HIBCH: variants seen among roughly 807,000 people sequenced by gnomAD.
The protein encoded by HIBCH is 3-hydroxyisobutyryl-CoA hydrolase.
A neutral mutation model predicts 58.2 loss-of-function variants in HIBCH; 50 were observed. The observed-to-expected ratio is 0.86, with a 90% CI of 0.68 to 1.09. The LOEUF is 1.09. Ranked by LOEUF, HIBCH falls within the 50% of genes least tolerant of loss-of-function variation. The pLI is 0.00. For synonymous variants in HIBCH, 151 were observed against 146.9 expected (o/e 1.03, Z -0.20); for missense variants, 450 against 449.7 (o/e 1.00, Z -0.01).
At chr2:190,200,844 A>T, downstream of HIBCH, 1 of 167,236 alleles carries the variant, frequency 6.0e-6, no homozygotes. Context: ...AAGCCCAGTG[A>T]TATAACTATA....
In HIBCH at chr2:190,210,085, C is replaced by T. The variant is rs1020684349; in HGVS notation, c.1012-1172G>A. Among the ~76,000 whole-genome samples the T allele has an allele frequency of 2.6e-5, 4 of 152,120 alleles. No individual in the cohort carries two copies. The highest frequency in any genetic ancestry group is 7.2e-5 in the African/African-American group (3 of 41,422). On this transcript the variant is annotated intron_variant, in intron 12 of 13. Transcript: ENST00000359678. The surrounding 1 kb of genome is among the most constrained non-coding windows in gnomAD (Gnocchi z 5.5). Reference sequence around the variant, plus strand: ...TCCATCTTACAAAATAAAAAAGGAACTTCATTTGATTCCACAGTCCCAGCT... The same window carrying T: ...TCCATCTTACAAAATAAAAAAGGAATTTCATTTGATTCCACAGTCCCAGCT...
Position 190,236,786 on chromosome 2 carries a change from T to C in HIBCH, c.891+8101A>G, listed in dbSNP as rs1186982050. On this transcript the variant is annotated intron_variant, in intron 11 of 13. Coordinates refer to ENST00000359678, the MANE Select transcript of HIBCH (RefSeq NM_014362.4). The surrounding 1 kb of genome is among the most constrained non-coding windows in gnomAD (Gnocchi z 4.1). ...ATTTCTTAAAGGCATTAACAATTTA[T>C]ATAAAATGAAAAGATACTATCTAAA... Among the ~76,000 whole-genome samples, 1 of 152,188 alleles carries C rather than the reference T, an allele frequency of 6.6e-6. No homozygotes were observed. The highest frequency in any genetic ancestry group is 1.9e-4 in the East Asian group (1 of 5,204).
intron 11 of HIBCH, among the ~76,000 whole-genome samples, chr2:190,229,933 G>A (rs1263557099): frequency 6.6e-6 from 1 of 151,896 alleles, no homozygotes; most frequent in Non-Finnish European, 1.5e-5. Flanking sequence ...TTGACAGGTA[G>A]CAAAAGTCCA....
intron 7 of HIBCH, among the ~76,000 whole-genome samples, chr2:190,260,146 G>T (rs1687049273): frequency 6.6e-6 from 1 of 152,180 alleles, no homozygotes; most frequent in Non-Finnish European, 1.5e-5. Flanking sequence ...ACTTGTGAAT[G>T]ACATAATTGT....
chr2:190,269,783 T>C (rs1334932257), intron 6 of HIBCH, among the ~76,000 whole-genome samples: 2 of 152,212 alleles, frequency 1.3e-5, no homozygotes, highest in Non-Finnish European at 2.9e-5. Flanking sequence ...ATATGTTTAC[T>C]GCAGCACTGT....
chr2:190,222,568 G>A (rs1685752884), intron 11 of HIBCH, among the ~76,000 whole-genome samples: 1 of 152,186 alleles, frequency 6.6e-6, no homozygotes, highest in Non-Finnish European at 1.5e-5. Flanking sequence ...AAACCATAAT[G>A]AGATACCATT....
At chr2:190,245,943 T>C (rs1029390025) in intron 10 of HIBCH, among the ~76,000 whole-genome samples, 5 of 150,086 alleles carry the variant, frequency 3.3e-5, no homozygotes, top group East Asian at 3.9e-4. Context: ...TGAGCTGAGA[T>C]TGCACCACTG....
intron 6 of HIBCH, among the ~76,000 whole-genome samples, chr2:190,265,701 T>C (rs1263617006): frequency 2.0e-5 from 3 of 152,222 alleles, no homozygotes; most frequent in Non-Finnish European, 4.4e-5. Flanking sequence ...TGAAATTTTC[T>C]TCATAAAAAG....
At chr2:190,220,969 C>A (rs1277705838) in intron 11 of HIBCH, among the ~76,000 whole-genome samples, 2 of 152,138 alleles carry the variant, frequency 1.3e-5, no homozygotes, top group Non-Finnish European at 2.9e-5. Flanking sequence ...TGGTTTGGCA[C>A]TTTCTATGTA....
chr2:190,242,014 T>C (rs1274209835), intron 11 of HIBCH, among the ~76,000 whole-genome samples: 2 of 152,184 alleles, frequency 1.3e-5, no homozygotes, highest in African/African-American at 4.8e-5. Context: ...TGGCCAGTCT[T>C]GCTAGGTTGG....
chr2:190,243,431 A>G lies in HIBCH; in HGVS notation c.891+1456T>C, dbSNP rs1026345579. On this transcript the variant is annotated intron_variant, in intron 11 of 13. Coordinates refer to ENST00000359678, the MANE Select transcript of HIBCH (RefSeq NM_014362.4). This position sits in a 1 kb window ranked among gnomAD's most constrained non-coding sequence, Gnocchi z 4.1. Reference sequence around the variant, plus strand: ...ACTCCCCTTTATATACATATCTCCTATTAGTTCTTTCCCTCTAGAGAACCC... The same window carrying G: ...ACTCCCCTTTATATACATATCTCCTGTTAGTTCTTTCCCTCTAGAGAACCC... Among the ~76,000 whole-genome samples, 47 of 152,284 alleles carry G rather than the reference A, an allele frequency of 3.1e-4. No homozygotes were observed. Among genetic ancestry groups the G allele is most frequent in the Non-Finnish European group, 2.5e-4 (17 of 68,022 alleles).
intron 11 of HIBCH, among the ~76,000 whole-genome samples, chr2:190,223,119 T>C (rs894708985): frequency 5.3e-5 from 8 of 152,070 alleles, no homozygotes; most frequent in Non-Finnish European, 1.2e-4. Flanking sequence ...TGAGACCTGT[T>C]GGGAGTTGGG....
At chr2:190,301,818 C>A (rs992157399) in intron 2 of HIBCH, among the ~76,000 whole-genome samples, 1 of 152,180 alleles carries the variant, frequency 6.6e-6, no homozygotes, top group Non-Finnish European at 1.5e-5. Flanking sequence ...ACACATGGCA[C>A]AAGGAAGGAA....
intron 1 of HIBCH, among the ~76,000 whole-genome samples, chr2:190,193,284 G>C (rs990901314): frequency 3.3e-5 from 5 of 151,672 alleles, no homozygotes; most frequent in South Asian, 2.1e-4. Flanking sequence ...TTGAATTTCT[G>C]GTATAAATCC....
chr2:190,229,102 T>C (rs1485407397), intron 11 of HIBCH, among the ~76,000 whole-genome samples: 2 of 152,114 alleles, frequency 1.3e-5, no homozygotes, highest in East Asian at 1.9e-4. Flanking sequence ...CTGTATGGGG[T>C]ATGCAAAGGT....
Position 190,204,757 on chromosome 2 carries a change from C to T in HIBCH, c.*360G>A, listed in dbSNP as rs1690347002. 1 of 250,450 alleles carries T rather than the reference C, an allele frequency of 4.0e-6. No individual in the cohort carries two copies. Among genetic ancestry groups the T allele is most frequent in the South Asian group, 5.1e-5 (1 of 19,748 alleles). 15.5% of individuals were successfully genotyped at this position (250,450 alleles called of 1,614,324 possible). ...ACCACTCAAGAGAATCTCCAAAGAT[C>T]TTCACATTTTTCCATCTTCTAAAAC... is the stretch of plus-strand genomic sequence containing the variant. On this transcript the variant is annotated 3_prime_UTR_variant, in exon 14 of 14. Transcript: ENST00000359678.
chr2:190,226,088 G>A (rs569703765), intron 11 of HIBCH, among the ~76,000 whole-genome samples: 1 of 152,154 alleles, frequency 6.6e-6, no homozygotes, highest in Non-Finnish European at 1.5e-5. Flanking sequence ...CGATAAACTA[G>A]GTATTGATGC....
intron 1 of HIBCH, 105 bp from the exon 2 acceptor site, chr2:190,310,901 C>T (rs1575766190): frequency 7.8e-6 from 6 of 767,660 alleles, no homozygotes; most frequent in Middle Eastern, 2.4e-4. Context: ...AAAGGTATTA[C>T]CAGAACAAAA....
At chr2:190,193,671 T>C (rs564231822) in intron 1 of HIBCH, among the ~76,000 whole-genome samples, 1 of 152,314 alleles carries the variant, frequency 6.6e-6, no homozygotes, top group East Asian at 1.9e-4. Flanking sequence ...TAAACGTATA[T>C]AGATGTCATA....
Sources: allele counts gnomAD v4.1 joint callset (sites outside exome capture counted in the v4.1 genomes callset), GRCh38; gene constraint gnomAD v4.1.1; non-coding constraint Gnocchi (gnomAD v3.1); transcripts MANE v1.5; gene names NCBI Gene and HGNC (gene_info 2026-07-23, HGNC 2026-07-21).